Variants in THBS2 observed in about 807,000 individuals in gnomAD.
The protein encoded by THBS2 is thrombospondin-2.
THBS2 carries 47 observed loss-of-function variants against 135.2 expected under a neutral mutation model. That is an observed-to-expected ratio of 0.35 (90% CI 0.28 to 0.44). THBS2 has a LOEUF of 0.44. THBS2 is among the 20% of genes least tolerant of loss of function. The pLI, the probability that THBS2 is intolerant of heterozygous loss-of-function variation, is 1.00. For missense variants in THBS2, 1,288 were observed against 1,603.1 expected (o/e 0.80, Z 3.36); for synonymous variants, 639 against 633.8 (o/e 1.01, Z -0.12).
At chr6:169,221,602 G>A in intron 19 of THBS2, 75 bp from the exon 20 acceptor site, 1 of 1,361,462 alleles carries the variant, frequency 7.3e-7, no homozygotes, top group Non-Finnish European at 1.0e-6. Flanking sequence ...CACCAAGCAG[G>A]AAGCAAAAAC....
chr6:169,246,035 C>A (rs1780543665), intron 4 of THBS2, 162 bp downstream of exon 4: 1 of 475,600 alleles, frequency 2.1e-6, no homozygotes, highest in South Asian at 5.2e-5. Flanking sequence ...TCTAAGTTGA[C>A]CAGCTAAGTC....
chr6:169,221,965 G>C (rs1345461686), intron 19 of THBS2, among the ~76,000 whole-genome samples: 3 of 152,182 alleles, frequency 2.0e-5, no homozygotes, highest in African/African-American at 7.2e-5. Flanking sequence ...GGTAAAAGAG[G>C]TTTAATTTGT....
chr6:169,253,593 T>TA (rs1259616441), intron 1 of THBS2, 131 bp downstream of exon 1: 1 of 152,248 alleles, frequency 6.6e-6, no homozygotes, highest in African/African-American at 2.4e-5. Context: ...TGTTAATAGA[T>TA]ACACCACCCA....
Position 169,226,222 on chromosome 6 carries a change from C to T in THBS2, c.2496G>A (p.Gly832=). The part of the protein sequence containing the change: ...DQRDTDGDGV[G]DHCDNCPLVH... ...CCAGGGGGCAGTTGTCACAGTGATC[C>T]CCCACACCGTCACCATCCGTGTCCC... Residue 832 remains glycine (G), a synonymous_variant, in exon 16 of 22, where the codon GGG becomes GGA. Coordinates refer to ENST00000617924, the MANE Select transcript of THBS2 (RefSeq NM_003247.5). 6.2e-7 allele frequency: 1 copy of T among 1,614,150 alleles called. No individual in the cohort carries two copies. Among genetic ancestry groups the T allele is most frequent in the Non-Finnish European group, 8.5e-7 (1 of 1,180,010 alleles).
At chr6:169,227,935 G>T (rs1779698019) in intron 15 of THBS2, among the ~76,000 whole-genome samples, 187 bp downstream of exon 15, 1 of 152,144 alleles carries the variant, frequency 6.6e-6, no homozygotes, top group Admixed American at 6.6e-5. Context: ...TACAAAATTA[G>T]CTAGGCGTGG....
At position 169,231,896 on chromosome 6, in the gene THBS2, G is replaced by C; in HGVS notation, c.2151+84C>G. 2.1e-6 allele frequency: 3 copies of C among 1,449,744 alleles called. No homozygotes were observed. In the South Asian group the frequency reaches 3.8e-5, roughly 18 times the overall value. The allele number at this position is 1,449,744 out of a possible 1,614,324, so 89.8% of individuals were successfully genotyped here. A position where few individuals can be genotyped will look rare whatever the true frequency, so the allele number is the denominator to read the frequency against. ...CTTCCAAATTCCCTGTGCTGCCCCC[G>C]CCCCCCGTCCGCGTAGCGTCCCCGG... is the stretch of plus-strand genomic sequence containing the variant. On this transcript the variant is annotated intron_variant, in intron 13 of 21. Coordinates refer to ENST00000617924, the MANE Select transcript of THBS2 (RefSeq NM_003247.5).
intron 6 of THBS2, 131 bp downstream of exon 6, chr6:169,240,321 A>G (rs1219520116): frequency 7.1e-6 from 9 of 1,270,874 alleles, no homozygotes; most frequent in African/African-American, 3.0e-5. Flanking sequence ...TGTTTCTTAC[A>G]CTGAAATTTC....
In THBS2 at chr6:169,217,838, A is replaced by AG. The variant is rs1491166900; in HGVS notation, c.3512-10dup. On this transcript the variant is annotated splice_polypyrimidine_tract_variant and intron_variant, in intron 21 of 21. Coordinates refer to ENST00000617924, the MANE Select transcript of THBS2 (RefSeq NM_003247.5). ...AAATCTTGTTTAAATATCTACAAAA[A>AG]GAAAAAAAAAAGCAATAAACAATTA... The AG allele has an allele frequency of 6.5e-7, 1 of 1,536,094 alleles. No homozygotes were observed. The highest frequency in any genetic ancestry group is 2.0e-5 in the African/African-American group (1 of 49,586).
chr6:169,233,119 C>T lies in THBS2; in HGVS notation c.1652-102G>A, dbSNP rs932101338. ...AAACACTCTGGGATGTCTTTGTCAT[C>T]GAATTGTGTAGTCAGGAACACTCTG... On this transcript the variant is annotated intron_variant, in intron 10 of 21. Coordinates refer to ENST00000617924, the MANE Select transcript of THBS2 (RefSeq NM_003247.5). 14 of 1,405,156 alleles carry T rather than the reference C, an allele frequency of 1.0e-5. No individual in the cohort carries two copies. In the East Asian group the frequency reaches 3.5e-4, roughly 35 times the overall value. 87.0% of individuals were successfully genotyped at this position (1,405,156 alleles called of 1,614,324 possible). A position where few individuals can be genotyped will look rare whatever the true frequency, so the allele number is the denominator to read the frequency against.
chr6:169,234,938 G>A, intron 9 of THBS2, 31 bp from the exon 10 acceptor site: 1 of 1,586,550 alleles, frequency 6.3e-7, no homozygotes, highest in Non-Finnish European at 8.6e-7. Flanking sequence ...GGGGAGCTCA[G>A]AGCAAGACCC....
chr6:169,239,235 AC>A (rs1780208396), intron 7 of THBS2: 1 of 288,414 alleles, frequency 3.5e-6, no homozygotes, highest in Non-Finnish European at 6.5e-6. Context: ...GAGTGTGTGT[AC>A]AGTGATCACT....
Position 169,252,395 on chromosome 6 carries a change from G to C in THBS2, c.-23+1329C>G, listed in dbSNP as rs886648956. ...CCCCACCTCATCAGCCCACACTGCC[G>C]GGTACGTCGCAGTCCCCTAAGGACA... On this transcript the variant is annotated intron_variant, in intron 1 of 21. Coordinates refer to ENST00000617924, the MANE Select transcript of THBS2 (RefSeq NM_003247.5). This position sits in a 1 kb window ranked among gnomAD's most constrained non-coding sequence, Gnocchi z 4.3. Among the ~76,000 whole-genome samples, 3 of 152,174 alleles carry C rather than the reference G, an allele frequency of 2.0e-5. No homozygotes were observed. Among genetic ancestry groups the C allele is most frequent in the African/African-American group, 7.2e-5 (3 of 41,444 alleles).
Position 169,217,688 on chromosome 6 carries a change from T to G in THBS2, c.*134A>C, listed in dbSNP as rs1583400672. The stretch of plus-strand genomic sequence containing the variant: ...TGGGTTTGGGGTTGCTGGCAGGAGG[T>G]GAAGAACCATCAGAGTTAAGGTCAA... On this transcript the variant is annotated 3_prime_UTR_variant, in exon 22 of 22. Coordinates refer to ENST00000617924, the MANE Select transcript of THBS2 (RefSeq NM_003247.5). 7.3e-6 allele frequency: 6 copies of G among 822,126 alleles called. No individual in the cohort carries two copies. The highest frequency in any genetic ancestry group is 1.1e-5 in the Non-Finnish European group (6 of 556,474). 50.9% of individuals were successfully genotyped at this position (822,126 alleles called of 1,614,324 possible). A position where few individuals can be genotyped will look rare whatever the true frequency, so the allele number is the denominator to read the frequency against.
intron 1 of THBS2, among the ~76,000 whole-genome samples, chr6:169,251,304 A>G (rs1780745522): frequency 6.6e-6 from 1 of 151,086 alleles, no homozygotes; most frequent in Admixed American, 6.6e-5. Flanking sequence ...AATTAAATAG[A>G]ATGAATATCA....
intron 7 of THBS2, among the ~76,000 whole-genome samples, chr6:169,238,072 T>A (rs1780168060): frequency 6.6e-6 from 1 of 152,204 alleles, no homozygotes; most frequent in African/African-American, 2.4e-5. Flanking sequence ...GGGAGCTAAA[T>A]CCATGTGTGT....
At position 169,237,697 on chromosome 6, in the gene THBS2, C is replaced by G. The variant is rs144973525; in HGVS notation, c.1228G>C (p.Val410Leu). 1.2e-6 allele frequency: 2 copies of G among 1,612,902 alleles called. No individual in the cohort carries two copies. The highest frequency in any genetic ancestry group is 1.7e-6 in the Non-Finnish European group (2 of 1,179,962). The change falls in exon 8 of 22, where the codon GTC (valine) becomes CTC (leucine). Residue 410 changes from valine to leucine, a missense_variant. This residue lies in a region of THBS2 where 874 missense variants were observed against 1,156.1 expected (regional missense o/e 0.76). Transcript: ENST00000617924. Reference sequence around the variant, plus strand: ...GGCCCCAAGCAGGTGTTGCTGGTGACGTCACAGGACCGGCCTCTCTGCTGG... The same window carrying G: ...GGCCCCAAGCAGGTGTTGCTGGTGAGGTCACAGGACCGGCCTCTCTGCTGG... ...GTQQRGRSCD[V>L]TSNTCLGPSI...
At chr6:169,231,665 C>T (rs1166769390) in intron 13 of THBS2, among the ~76,000 whole-genome samples, 1 of 152,202 alleles carries the variant, frequency 6.6e-6, no homozygotes. Context: ...AGCCTGGAGC[C>T]GAGCGTGGAG....
intron 9 of THBS2, among the ~76,000 whole-genome samples, chr6:169,236,297 T>C (rs371971862): frequency 3.9e-5 from 3 of 77,568 alleles, no homozygotes; most frequent in Admixed American, 3.2e-4. Flanking sequence ...CTCATTCCCA[T>C]CCACAGTCAC....
chr6:169,229,691 G>A lies in THBS2; in HGVS notation c.2152-12C>T, dbSNP rs368671591. The A allele has an allele frequency of 2.1e-4, 342 of 1,601,938 alleles. 1 individual carries two copies. Among genetic ancestry groups the A allele is most frequent in the Non-Finnish European group, 2.8e-4 (327 of 1,169,336 alleles). On this transcript the variant is annotated splice_polypyrimidine_tract_variant and intron_variant, in intron 13 of 21. Coordinates refer to ENST00000617924, the MANE Select transcript of THBS2 (RefSeq NM_003247.5). ...TGGGGGCAGTTATCCTGCAATTGGA[G>A]AAGGAAGAATACTTGGAAAAACATT... is the stretch of plus-strand genomic sequence containing the variant.
Sources: allele counts gnomAD v4.1 joint callset (sites outside exome capture counted in the v4.1 genomes callset), GRCh38; gene constraint gnomAD v4.1.1; regional missense constraint gnomAD v4.1.1; non-coding constraint Gnocchi (gnomAD v3.1); transcripts MANE v1.5; gene names NCBI Gene and HGNC (gene_info 2026-07-23, HGNC 2026-07-21).